ANO5: variants seen among roughly 807,000 people sequenced by gnomAD.
The protein encoded by ANO5 is anoctamin-5.
In ANO5, 109 loss-of-function variants were observed where a neutral mutation model predicts 121.0. The ratio of observed to expected loss-of-function variants is 0.90; its 90% CI spans 0.77 to 1.06. ANO5 has a LOEUF of 1.06. Ranked by LOEUF, ANO5 falls within the 50% of genes least tolerant of loss-of-function variation. ANO5 has a pLI of 0.00. For missense variants in ANO5, 1,064 were observed against 1,078.5 expected (o/e 0.99, Z 0.19); for synonymous variants, 406 against 359.9 (o/e 1.13, Z -1.45).
chr11:22,250,632 C>T, intron 10 of ANO5, 109 bp from the exon 11 acceptor site: 1 of 1,180,574 alleles, frequency 8.5e-7, no homozygotes, highest in South Asian at 1.3e-5. Flanking sequence ...CTTGATTGCC[C>T]CTTCTGTTAT....
In ANO5 at chr11:22,280,863, A is replaced by C. The variant is rs377649299; in HGVS notation, c.*1098A>C. On this transcript the variant is annotated 3_prime_UTR_variant, in exon 22 of 22. Coordinates refer to ENST00000324559, the MANE Select transcript of ANO5 (RefSeq NM_213599.3). ...TTAGCTAGTGATTTGATGTGATGTA[A>C]CATCTTAAATGTAAGCTTGTCTTAA... The C allele has an allele frequency of 7.2e-5, 11 of 152,138 alleles. No individual in the cohort carries two copies. In the East Asian group the frequency reaches 9.7e-4, roughly 13 times the overall value. The allele number at this position is 152,138 out of a possible 1,614,324, so 9.4% of individuals were successfully genotyped here.
chr11:22,206,465 A>G (rs933069137), intron 2 of ANO5, among the ~76,000 whole-genome samples: 2 of 151,970 alleles, frequency 1.3e-5, no homozygotes, highest in Admixed American at 6.6e-5. Context: ...GGTGTATGCC[A>G]TCACACCTGG....
chr11:22,267,403 T>C (rs1324767701), intron 17 of ANO5, among the ~76,000 whole-genome samples: 1 of 151,470 alleles, frequency 6.6e-6, no homozygotes, highest in African/African-American at 2.4e-5. Flanking sequence ...AGTTCCTTTT[T>C]CGTATGCTCC....
intron 7 of ANO5, among the ~76,000 whole-genome samples, chr11:22,235,021 T>C (rs1853168612): frequency 2.0e-5 from 3 of 152,120 alleles, no homozygotes; most frequent in South Asian, 2.1e-4. Context: ...CTTCTCCCTA[T>C]GAATGAAATC....
In ANO5 at chr11:22,274,553, T is replaced by C. The variant is rs758100684; in HGVS notation, c.2236-16T>C. The stretch of plus-strand genomic sequence containing the variant: ...TGGCAGCTGATGATCTTCCTCTTTT[T>C]TTTTTTATTCTTCAGGCCTTTATTG... On this transcript the variant is annotated splice_polypyrimidine_tract_variant and intron_variant, in intron 19 of 21. Coordinates refer to ENST00000324559, the MANE Select transcript of ANO5 (RefSeq NM_213599.3). 3.3e-6 allele frequency: 5 copies of C among 1,528,414 alleles called. No homozygotes were observed. The highest frequency in any genetic ancestry group is 4.4e-6 in the Non-Finnish European group (5 of 1,142,722). 94.7% of individuals were successfully genotyped at this position (1,528,414 alleles called of 1,614,324 possible).
At chr11:22,264,445 G>C (rs1420035678) in intron 17 of ANO5, among the ~76,000 whole-genome samples, 1 of 150,054 alleles carries the variant, frequency 6.7e-6, no homozygotes, top group African/African-American at 2.5e-5. Context: ...AGAGACAAAA[G>C]ACAGGGGAGG....
At chr11:22,262,449 T>A in intron 16 of ANO5, 151 bp downstream of exon 16, 1 of 826,468 alleles carries the variant, frequency 1.2e-6, no homozygotes, top group South Asian at 1.8e-5. Context: ...CACAGATGAA[T>A]CCTGTCATTT....
At position 22,279,843 on chromosome 11, in the gene ANO5, C is replaced by CA. The variant is rs1395263068; in HGVS notation, c.*79dup. The CA allele has an allele frequency of 3.5e-5, 43 of 1,217,604 alleles. No homozygotes were observed. The highest frequency in any genetic ancestry group is 4.0e-4 in the Middle Eastern group (2 of 4,990). 75.4% of individuals were successfully genotyped at this position (1,217,604 alleles called of 1,614,324 possible). A position where few individuals can be genotyped will look rare whatever the true frequency, so the allele number is the denominator to read the frequency against. On this transcript the variant is annotated 3_prime_UTR_variant, in exon 22 of 22. Coordinates refer to ENST00000324559, the MANE Select transcript of ANO5 (RefSeq NM_213599.3). ...GGTTTTAGGGCCAGACGCCAGAAGC[C>CA]ATGTGTCAATTTTACCCTTTCTTTT...
intron 12 of ANO5, among the ~76,000 whole-genome samples, chr11:22,252,562 C>T (rs779569913): frequency 1.2e-4 from 19 of 152,160 alleles, no homozygotes; most frequent in Non-Finnish European, 2.8e-4. Flanking sequence ...TTATGATTCA[C>T]ATGTGCTTTT....
chr11:22,227,373 A>C lies in ANO5; in HGVS notation c.435A>C (p.Glu145Asp). 1.9e-6 allele frequency: 3 copies of C among 1,613,522 alleles called. No homozygotes were observed. The highest frequency in any genetic ancestry group is 2.5e-6 in the Non-Finnish European group (3 of 1,179,758). ...GGGAGGTATTAGTTACCTATGCTGAAGTCTTGGGAATCAAAATGCCTATTA... is the reference window on the plus strand; with the variant it reads ...GGGAGGTATTAGTTACCTATGCTGACGTCTTGGGAATCAAAATGCCTATTA... ...APWEVLVTYA[E>D]VLGIKMPIKE... Residue 145 changes from glutamate to aspartate, a missense_variant, in exon 7 of 22, where the codon GAA becomes GAC. Glu to Asp is a conservative substitution (Grantham distance 45, BLOSUM62 2). Coordinates refer to ENST00000324559, the MANE Select transcript of ANO5 (RefSeq NM_213599.3).
intron 9 of ANO5, among the ~76,000 whole-genome samples, chr11:22,243,687 TTTCTAA>T (rs1853509375): frequency 2.3e-5 from 1 of 43,010 alleles, no homozygotes; most frequent in Non-Finnish European, 8.7e-5. Flanking sequence ...TTTCCTAGAT[TTTCTAA>T]TTTATGTGCA....
rs1852644802 is a variant in ANO5 at position 22,221,338 on chromosome 11, A to G, written c.294+128A>G. ...AAGTGTTACTGAAAACTGAAACTGA[A>G]TGAGATAACTGTAAAGTAGGCAGCC... On this transcript the variant is annotated intron_variant, in intron 5 of 21. Coordinates refer to ENST00000324559, the MANE Select transcript of ANO5 (RefSeq NM_213599.3). 2.5e-5 allele frequency: 20 copies of G among 789,240 alleles called. 1 individual carries two copies. The South Asian group carries it at 2.9e-4, about 11-fold the overall frequency. The allele number at this position is 789,240 out of a possible 1,614,324, so 48.9% of individuals were successfully genotyped here.
chr11:22,255,737 T>C (rs1444720963), intron 13 of ANO5, among the ~76,000 whole-genome samples: 8 of 152,094 alleles, frequency 5.3e-5, no homozygotes, highest in Non-Finnish European at 8.8e-5. Flanking sequence ...CAAATGTAGA[T>C]AGAAAAATAT....
intron 7 of ANO5, among the ~76,000 whole-genome samples, chr11:22,230,543 T>A (rs2133624545): frequency 6.6e-6 from 1 of 152,176 alleles, no homozygotes; most frequent in East Asian, 1.9e-4. Context: ...AAATTTCAGT[T>A]TGTAAAATGT....
chr11:22,257,482 A>C (rs1161047380), intron 13 of ANO5, among the ~76,000 whole-genome samples, 198 bp from the exon 14 acceptor site: 1 of 152,142 alleles, frequency 6.6e-6, no homozygotes. Flanking sequence ...TATCATGTGT[A>C]AGATAACCCA....
chr11:22,270,519 C>T, intron 18 of ANO5, 77 bp downstream of exon 18: 2 of 1,565,696 alleles, frequency 1.3e-6, no homozygotes, highest in South Asian at 1.1e-5. Context: ...CTTCTTTCTG[C>T]CTTGCACATG....
intron 12 of ANO5, among the ~76,000 whole-genome samples, chr11:22,254,307 A>C (rs1853920534): frequency 6.6e-6 from 1 of 152,202 alleles, no homozygotes; most frequent in South Asian, 2.1e-4. Flanking sequence ...AGTGAGTCAG[A>C]AAGTTGAATC....
Position 22,244,435 on chromosome 11 carries a change from A to G in ANO5, c.878+4751A>G, listed in dbSNP as rs549596443. 5.3e-5 allele frequency among the ~76,000 whole-genome samples: 8 copies of G among 152,070 alleles called. No homozygotes were observed. The East Asian group carries it at 1.5e-3, about 29-fold the overall frequency. ...CCATCTTTCTTAAATTTGTATATCA[A>G]TTTCTGGTGAGATTGGGGACATTTT... is the stretch of plus-strand genomic sequence containing the variant. On this transcript the variant is annotated intron_variant, in intron 9 of 21. Transcript: ENST00000324559.
intron 2 of ANO5, among the ~76,000 whole-genome samples, chr11:22,208,750 T>G (rs1445299985): frequency 6.6e-6 from 1 of 151,972 alleles, no homozygotes; most frequent in Admixed American, 6.6e-5. Flanking sequence ...GGGTAGGGGT[T>G]ACATGGGATC....
Sources: gnomAD v4.1 joint callset for allele counts (sites outside exome capture counted in the v4.1 genomes callset) on GRCh38, gnomAD v4.1.1 for gene constraint, MANE v1.5 for transcripts, NCBI Gene and HGNC (gene_info 2026-07-23, HGNC 2026-07-21) for gene names.